Variants in KIF15 observed in about 807,000 individuals in gnomAD.
KIF15 encodes the protein kinesin-like protein KIF15.
A neutral mutation model predicts 190.6 loss-of-function variants in KIF15; 140 were observed. The observed-to-expected ratio is 0.73, with a 90% CI of 0.64 to 0.84. The LOEUF is 0.84. Ranked by LOEUF, KIF15 falls within the 40% of genes least tolerant of loss-of-function variation. The pLI is 0.00. For synonymous variants in KIF15, 528 were observed against 551.3 expected (o/e 0.96, Z 0.59); for missense variants, 1,372 against 1,584.4 (o/e 0.87, Z 2.28).
intron 20 of KIF15, among the ~76,000 whole-genome samples, chr3:44,819,441 T>C (rs1708165508): frequency 6.6e-6 from 1 of 152,238 alleles, no homozygotes; most frequent in Non-Finnish European, 1.5e-5. Flanking sequence ...TCTGGTACAT[T>C]GTATCTTTGT....
chr3:44,829,565 G>GCA (rs1448983252), intron 24 of KIF15, among the ~76,000 whole-genome samples: 1 of 108,246 alleles, frequency 9.2e-6, no homozygotes, highest in East Asian at 2.3e-4. Context: ...TATTATATAT[G>GCA]TATATATTAT....
chr3:44,798,374 T>C (rs1020719142), intron 10 of KIF15, among the ~76,000 whole-genome samples: 19 of 150,490 alleles, frequency 1.3e-4, no homozygotes, highest in African/African-American at 4.6e-4. Flanking sequence ...TTTTATTTAT[T>C]TATTTTTTTG....
intron 29 of KIF15, among the ~76,000 whole-genome samples, chr3:44,842,521 TG>T (rs1159552882): frequency 3.3e-5 from 5 of 152,214 alleles, no homozygotes; most frequent in African/African-American, 1.2e-4. Context: ...TTGTTATTCA[TG>T]GAGAAGATTA....
chr3:44,843,112 T>G lies in KIF15; in HGVS notation c.3586-13T>G. 6.3e-7 allele frequency: 1 copy of G among 1,589,536 alleles called. No individual in the cohort carries two copies. Among genetic ancestry groups the G allele is most frequent in the South Asian group, 1.1e-5 (1 of 89,094 alleles). ...AATGTGTTTTTTGAAAAGATACGAT[T>G]TGATGTTATTAGGAGCAGTTGCGTG... On this transcript the variant is annotated splice_polypyrimidine_tract_variant and intron_variant, in intron 29 of 34. Transcript: ENST00000326047.
chr3:44,837,286 G>A (rs765226166), intron 26 of KIF15, among the ~76,000 whole-genome samples: 4 of 152,154 alleles, frequency 2.6e-5, no homozygotes, highest in Non-Finnish European at 5.9e-5. Context: ...CCTTTGGGGA[G>A]GTAGTCTGGT....
chr3:44,846,974 A>G (rs1698876229), intron 30 of KIF15, among the ~76,000 whole-genome samples: 1 of 152,292 alleles, frequency 6.6e-6, no homozygotes, highest in African/African-American at 2.4e-5. Context: ...TGTTGTGGCT[A>G]CTTTTGCACT....
rs555442388 is a variant in KIF15, at chr3:44,852,545, G to A, written c.4105-128G>A. ...CATAGACAGCAGATTCTTGTTTAAC[G>A]TTTAGTTTGCACATTGAAAATTCCA... On this transcript the variant is annotated intron_variant, in intron 34 of 34. Transcript: ENST00000326047. The A allele has an allele frequency of 2.3e-5, 19 of 835,582 alleles. No individual in the cohort carries two copies. The East Asian group carries it at 3.0e-4, about 13-fold the overall frequency. 51.8% of individuals were successfully genotyped at this position (835,582 alleles called of 1,614,324 possible).
intron 1 of KIF15, among the ~76,000 whole-genome samples, chr3:44,773,719 A>AT (rs1397464155): frequency 1.3e-5 from 2 of 152,058 alleles, no homozygotes; most frequent in African/African-American, 4.8e-5. Flanking sequence ...AGGGAAAAAT[A>AT]TTTTTTGGTT....
rs766988602 is a variant in KIF15, at chr3:44,843,156, T to A, written c.3617T>A (p.Leu1206Gln). Residue 1206 changes from leucine to glutamine, a missense_variant, in exon 30 of 35, where the codon CTG (leucine) becomes CAG (glutamine). Leu to Gln is a moderately radical substitution (Grantham distance 113). Coordinates refer to ENST00000326047, the MANE Select transcript of KIF15 (RefSeq NM_020242.3). ...EQLREMENLR[L>Q]ESQQLIEKNW... is the part of the protein sequence containing the mutation. ...TTGCGTGAAATGGAAAACCTACGCC[T>A]GGAAAGTCAGCAGTTAATAGAGAAA... 6.2e-7 allele frequency: 1 copy of A among 1,613,278 alleles called. No individual in the cohort carries two copies. The highest frequency in any genetic ancestry group is 8.5e-7 in the Non-Finnish European group (1 of 1,179,602).
At position 44,786,498 on chromosome 3, in the gene KIF15, G is replaced by C. The variant is rs1706414269; in HGVS notation, c.563G>C (p.Arg188Thr). 6.2e-7 allele frequency: 1 copy of C among 1,613,708 alleles called. No homozygotes were observed. Among genetic ancestry groups the C allele is most frequent in the Non-Finnish European group, 8.5e-7 (1 of 1,179,818 alleles). ...TCTGCATCGGCTGGACTGTACTTAA[G>C]GGAGCATATCAAGAAGGGAGTCTTT... ...LDSASAGLYL[R>T]EHIKKGVFVV... is the part of the protein sequence containing the mutation. Residue 188 changes from arginine (R) to threonine (T), a missense_variant, in exon 7 of 35, where the codon AGG becomes ACG. Coordinates refer to ENST00000326047, the MANE Select transcript of KIF15 (RefSeq NM_020242.3).
At chr3:44,778,015 T>C in intron 3 of KIF15, 100 bp from the exon 4 acceptor site, 1 of 882,034 alleles carries the variant, frequency 1.1e-6, no homozygotes, top group Non-Finnish European at 1.9e-6. Flanking sequence ...ATGTTATCCA[T>C]GTTATTACTA....
intron 6 of KIF15, 35 bp downstream of exon 6, chr3:44,784,977 A>G (rs779241288): frequency 8.6e-7 from 1 of 1,165,546 alleles, no homozygotes; most frequent in South Asian, 1.4e-5. Flanking sequence ...GTTCTATGAA[A>G]TGTCTAATTT....
intron 1 of KIF15, among the ~76,000 whole-genome samples, chr3:44,770,918 T>C (rs888632696): frequency 6.6e-6 from 1 of 152,240 alleles, no homozygotes; most frequent in African/African-American, 2.4e-5. Flanking sequence ...AAAGATTACT[T>C]CAGTTTTGTA....
At chr3:44,841,691 C>G (rs1698615150) in intron 29 of KIF15, among the ~76,000 whole-genome samples, 1 of 152,140 alleles carries the variant, frequency 6.6e-6, no homozygotes, top group Non-Finnish European at 1.5e-5. Flanking sequence ...AGCCACCGCG[C>G]CTGGCCAATT....
At chr3:44,845,033 T>C (rs1026286468) in intron 30 of KIF15, among the ~76,000 whole-genome samples, 1 of 152,026 alleles carries the variant, frequency 6.6e-6, no homozygotes, top group Non-Finnish European at 1.5e-5. Context: ...TATGAGAAAA[T>C]AGGAGTGGTT....
chr3:44,790,238 T>C (rs933553870), intron 7 of KIF15, among the ~76,000 whole-genome samples: 5 of 152,080 alleles, frequency 3.3e-5, no homozygotes, highest in Non-Finnish European at 5.9e-5. Context: ...AGTGTAGTGG[T>C]GCGATCTTGG....
At chr3:44,862,049 A>G in intron 6 of KIF15, 1 of 1,351,674 alleles carries the variant, frequency 7.4e-7, no homozygotes, top group Non-Finnish European at 9.6e-7. Flanking sequence ...GGCGTATTCA[A>G]CTGTCTGTGC....
At chr3:44,867,900 GT>G (rs1217526166) in intron 6 of KIF15, among the ~76,000 whole-genome samples, 6 of 152,248 alleles carry the variant, frequency 3.9e-5, no homozygotes, top group African/African-American at 1.4e-4. Context: ...ATTGAACTTT[GT>G]TTGCTTGGAG....
intron 1 of KIF15, among the ~76,000 whole-genome samples, chr3:44,767,276 T>C (rs1705436785): frequency 6.6e-6 from 1 of 152,176 alleles, no homozygotes; most frequent in Non-Finnish European, 1.5e-5. Context: ...AGAAAGACTA[T>C]TGTAATAACA....
Sources: allele counts gnomAD v4.1 joint callset (sites outside exome capture counted in the v4.1 genomes callset), GRCh38; gene constraint gnomAD v4.1.1; transcripts MANE v1.5; gene names NCBI Gene and HGNC (gene_info 2026-07-23, HGNC 2026-07-21).